SEMA5A: variants seen among roughly 807,000 people sequenced by gnomAD.
The protein encoded by SEMA5A is semaphorin-5A.
A neutral mutation model predicts 135.5 loss-of-function variants in SEMA5A; 55 were observed. The ratio of observed to expected loss-of-function variants is 0.41; its 90% CI spans 0.33 to 0.51. The LOEUF is 0.51. SEMA5A is among the 20% of genes least tolerant of loss of function. The pLI is 0.37. For synonymous variants in SEMA5A, 580 were observed against 546.5 expected (o/e 1.06, Z -0.85); for missense variants, 1,290 against 1,419.9 (o/e 0.91, Z 1.47).
At chr5:9,189,188 T>C (rs1201371161) in intron 11 of SEMA5A, among the ~76,000 whole-genome samples, 1 of 152,266 alleles carries the variant, frequency 6.6e-6, no homozygotes, top group Admixed American at 6.5e-5. Flanking sequence ...ATGCAGGAGC[T>C]TGCTGGGCTG....
intron 1 of SEMA5A, among the ~76,000 whole-genome samples, chr5:9,526,999 A>T (rs954203408): frequency 1.3e-5 from 2 of 152,198 alleles, no homozygotes; most frequent in Non-Finnish European, 2.9e-5. Context: ...GGGTCTCAGA[A>T]GGGTTGTATG....
Position 9,117,988 on chromosome 5 carries a change from A to T in SEMA5A, c.1925+1010T>A, listed in dbSNP as rs181619539. 2.6e-5 allele frequency among the ~76,000 whole-genome samples: 4 copies of T among 152,360 alleles called. No individual in the cohort carries two copies. In the East Asian group the frequency reaches 5.8e-4, roughly 22 times the overall value. On this transcript the variant is annotated intron_variant, in intron 15 of 22. Transcript: ENST00000382496. ...GCAAGTGAGGAACACACTTGAAGAA[A>T]AAAAGGAATGATTCTCCTTAGTTGA...
rs551435972 is a variant in SEMA5A at position 9,136,673 on chromosome 5, G to C, written c.1482-52C>G. 38 of 1,463,424 alleles carry C rather than the reference G, an allele frequency of 2.6e-5. 2 individuals carry two copies. The African/African-American group carries it at 3.3e-4, about 13-fold the overall frequency. 90.7% of individuals were successfully genotyped at this position (1,463,424 alleles called of 1,614,324 possible). A position where few individuals can be genotyped will look rare whatever the true frequency, so the allele number is the denominator to read the frequency against. On this transcript the variant is annotated intron_variant, in intron 12 of 22. Transcript: ENST00000382496. ...AGAAAGGTCGCTTTACCCATGATAAGATACACAAGACAAGGCGAACCTGTC... is the reference window on the plus strand; with the variant it reads ...AGAAAGGTCGCTTTACCCATGATAACATACACAAGACAAGGCGAACCTGTC...
At chr5:9,117,608 C>A (rs75466769) in intron 15 of SEMA5A, among the ~76,000 whole-genome samples, 5 of 152,146 alleles carry the variant, frequency 3.3e-5, no homozygotes, top group Admixed American at 2.6e-4. Context: ...TGCATTTTGA[C>A]GGCAAAAGTC....
intron 13 of SEMA5A, among the ~76,000 whole-genome samples, chr5:9,135,544 G>T (rs3822764): frequency 0.66 from 99,542 of 151,814 alleles, 35,586 homozygotes; most frequent in Non-Finnish European, 0.83. Context: ...TAACAGAAAG[G>T]GTAAGTTCTT....
chr5:9,459,422 G>T (rs1361501795), intron 1 of SEMA5A, among the ~76,000 whole-genome samples: 1 of 152,222 alleles, frequency 6.6e-6, no homozygotes, highest in South Asian at 2.1e-4. Flanking sequence ...CAATGCTGGA[G>T]AAATCCATAC....
intron 2 of SEMA5A, among the ~76,000 whole-genome samples, chr5:9,407,441 G>T (rs553588126): frequency 1.3e-5 from 2 of 152,146 alleles, no homozygotes. Flanking sequence ...AGAAAAACAG[G>T]CTTCTGTTAC....
At position 9,313,096 on chromosome 5, in the gene SEMA5A, C is replaced by A. The variant is rs115688200; in HGVS notation, c.270+5276G>T. ...TCAGGGCAATTGACAAGGGACAATG[C>A]AGTGGGGTCTCCAGAATTCTATGAA... On this transcript the variant is annotated intron_variant, in intron 5 of 22. Coordinates refer to ENST00000382496, the MANE Select transcript of SEMA5A (RefSeq NM_003966.3). Among the ~76,000 whole-genome samples the A allele has an allele frequency of 5.6e-3, 848 of 152,198 alleles. 6 individuals are homozygous for A. Among genetic ancestry groups the A allele is most frequent in the African/African-American group, 0.02 (810 of 41,530 alleles).
intron 3 of SEMA5A, among the ~76,000 whole-genome samples, chr5:9,352,081 G>C (rs1254643632): frequency 9.5e-6 from 1 of 105,106 alleles, no homozygotes; most frequent in African/African-American, 3.0e-5. Context: ...AAATTCTAAT[G>C]AATGTAACAG....
At chr5:9,440,131 C>G (rs1758180710) in intron 1 of SEMA5A, among the ~76,000 whole-genome samples, 1 of 152,216 alleles carries the variant, frequency 6.6e-6, no homozygotes, top group Non-Finnish European at 1.5e-5. Flanking sequence ...ATGATAGTGA[C>G]AAAGCAGAGG....
intron 12 of SEMA5A, among the ~76,000 whole-genome samples, chr5:9,148,613 T>G (rs1742466405): frequency 6.6e-6 from 1 of 152,174 alleles, no homozygotes. Context: ...ATACCCGCAC[T>G]AGGATACAGC....
At chr5:9,070,045 T>C (rs1021063777) in intron 16 of SEMA5A, among the ~76,000 whole-genome samples, 1 of 152,102 alleles carries the variant, frequency 6.6e-6, no homozygotes, top group Admixed American at 6.6e-5. Flanking sequence ...CAGATAAGAA[T>C]CCTGGAGTTC....
At chr5:9,334,180 C>G (rs1405077429) in intron 4 of SEMA5A, among the ~76,000 whole-genome samples, 1 of 152,064 alleles carries the variant, frequency 6.6e-6, no homozygotes, top group Non-Finnish European at 1.5e-5. Context: ...GTGAAACCAT[C>G]CAATAAATGG....
At chr5:9,188,132 G>T (rs915640901) in intron 11 of SEMA5A, among the ~76,000 whole-genome samples, 1 of 152,084 alleles carries the variant, frequency 6.6e-6, no homozygotes, top group Admixed American at 6.5e-5. Flanking sequence ...CCTTAGGAAC[G>T]GTATGAGTGT....
At position 9,266,021 on chromosome 5, in the gene SEMA5A, G is replaced by A. The variant is rs552541671; in HGVS notation, c.271-28131C>T. 3.9e-5 allele frequency among the ~76,000 whole-genome samples: 6 copies of A among 152,230 alleles called. No individual in the cohort carries two copies. In the South Asian group the frequency reaches 8.3e-4, roughly 21 times the overall value. On this transcript the variant is annotated intron_variant, in intron 5 of 22. Coordinates refer to ENST00000382496, the MANE Select transcript of SEMA5A (RefSeq NM_003966.3). ...TCCCACATTTTCTCCCACTTACCGC[G>A]AAAAAATCCATTTATCTCACATTTC...
intron 5 of SEMA5A, among the ~76,000 whole-genome samples, chr5:9,312,184 A>G (rs1313802121): frequency 1.3e-5 from 2 of 152,088 alleles, no homozygotes; most frequent in Non-Finnish European, 2.9e-5. Flanking sequence ...TTCTTATAAA[A>G]TAATCTCCAT....
At chr5:9,236,382 G>C (rs1314540294) in intron 6 of SEMA5A, among the ~76,000 whole-genome samples, 4 of 152,162 alleles carry the variant, frequency 2.6e-5, no homozygotes, top group African/African-American at 4.8e-5. Flanking sequence ...CCTTGGCACA[G>C]GTGGTCTTAT....
intron 1 of SEMA5A, among the ~76,000 whole-genome samples, chr5:9,455,184 G>A (rs1035384144): frequency 3.3e-5 from 5 of 151,938 alleles, no homozygotes; most frequent in Non-Finnish European, 5.9e-5. Context: ...GCAGACTAAC[G>A]GCACCTCTGT....
At chr5:9,296,346 A>G (rs1751333850) in intron 5 of SEMA5A, among the ~76,000 whole-genome samples, 1 of 152,142 alleles carries the variant, frequency 6.6e-6, no homozygotes, top group Admixed American at 6.5e-5. Flanking sequence ...GTAAACTGCG[A>G]TTTGTCAAAA....
Sources: gnomAD v4.1 joint callset for allele counts (sites outside exome capture counted in the v4.1 genomes callset) on GRCh38, gnomAD v4.1.1 for gene constraint, MANE v1.5 for transcripts, NCBI Gene and HGNC (gene_info 2026-07-23, HGNC 2026-07-21) for gene names.